The following PSD3 variants were observed in gnomAD, a reference collection of about 807,000 sequenced individuals.
PSD3 encodes the protein PH and SEC7 domain-containing protein 3.
Under a neutral mutation model 105.5 loss-of-function variants are expected in PSD3, and 49 were observed. The ratio of observed to expected loss-of-function variants is 0.46; its 90% CI spans 0.37 to 0.59. The LOEUF is 0.59. Ranked by LOEUF, PSD3 falls within the 20% of genes least tolerant of loss-of-function variation. The pLI is 0.00. For missense variants in PSD3, 1,561 were observed against 1,263.8 expected, an observed-to-expected ratio of 1.24 and a Z score of -3.57; for synonymous variants, 557 against 457.8, an observed-to-expected ratio of 1.22 and a Z score of -2.77.
At chr8:18,892,108 T>G (rs886877255) in intron 2 of PSD3, among the ~76,000 whole-genome samples, 3 of 152,032 alleles carry the variant, frequency 2.0e-5, no homozygotes, top group African/African-American at 7.2e-5. Flanking sequence ...TATTTGCACT[T>G]TTTTTCTAGC....
chr8:18,651,017 T>G (rs1321232631), intron 10 of PSD3, among the ~76,000 whole-genome samples: 1 of 152,160 alleles, frequency 6.6e-6, no homozygotes, highest in African/African-American at 2.4e-5. Context: ...ATATATAAAG[T>G]AACAACAATG....
chr8:18,835,339 T>C (rs1586173422), intron 4 of PSD3, among the ~76,000 whole-genome samples: 1 of 152,244 alleles, frequency 6.6e-6, no homozygotes, highest in East Asian at 1.9e-4. Context: ...CATCACCTTT[T>C]TGACTTTTAC....
At chr8:19,001,460 T>C (rs1826389811) in intron 1 of PSD3, among the ~76,000 whole-genome samples, 1 of 150,914 alleles carries the variant, frequency 6.6e-6, no homozygotes, top group Admixed American at 6.6e-5. Context: ...TTGCAGTCAA[T>C]GCACCTACAC....
rs2277137 is a variant in PSD3 at position 18,572,691 on chromosome 8, T to A, written c.2640-19A>T. On this transcript the variant is annotated intron_variant, in intron 13 of 15. Coordinates refer to ENST00000327040, the MANE Select transcript of PSD3 (RefSeq NM_015310.4). ...TGGGCTCCTATGAGAAATAGATATG[T>A]TTATATCAGGATATTGCCATGTCTA... is the stretch of plus-strand genomic sequence containing the variant. The A allele has an allele frequency of 0.17, 274,514 of 1,610,210 alleles. 25,943 individuals are homozygous for A. Among genetic ancestry groups the A allele is most frequent in the East Asian group, 0.4 (17,929 of 44,794 alleles).
intron 4 of PSD3, chr8:18,865,323 G>T (rs1816847915): frequency 6.7e-5 from 8 of 119,966 alleles, no homozygotes; most frequent in East Asian, 5.1e-4. Flanking sequence ...GGCTATCTGA[G>T]GCCCCTTCAA....
chr8:18,596,844 C>G (rs939584692), intron 12 of PSD3, among the ~76,000 whole-genome samples: 3 of 152,202 alleles, frequency 2.0e-5, no homozygotes, highest in East Asian at 1.9e-4. Context: ...ACCCTCCCAA[C>G]AAAGGAAAGT....
At chr8:18,724,523 G>A (rs1289953194) in intron 9 of PSD3, among the ~76,000 whole-genome samples, 3 of 151,986 alleles carry the variant, frequency 2.0e-5, no homozygotes, top group African/African-American at 7.3e-5. Context: ...TGAGGCAGGA[G>A]GATCACTTGA....
rs111764048 is a variant in PSD3 at position 18,556,954 on chromosome 8, C to T, written c.2785-602G>A. Among the ~76,000 whole-genome samples, 32 of 152,256 alleles carry T rather than the reference C, an allele frequency of 2.1e-4. 1 individual carries two copies. Among genetic ancestry groups the T allele is most frequent in the African/African-American group, 6.5e-4 (27 of 41,568 alleles). ...TCAACTTGATTGGCCCAAAGCAACCCGTCAATTAAAATGTATCTACCTATT... is the reference window on the plus strand; with the variant it reads ...TCAACTTGATTGGCCCAAAGCAACCTGTCAATTAAAATGTATCTACCTATT... On this transcript the variant is annotated intron_variant, in intron 14 of 15. Coordinates refer to ENST00000327040, the MANE Select transcript of PSD3 (RefSeq NM_015310.4).
chr8:18,578,544 A>G (rs991253860), intron 12 of PSD3, among the ~76,000 whole-genome samples: 4 of 152,050 alleles, frequency 2.6e-5, no homozygotes, highest in Non-Finnish European at 4.4e-5. Flanking sequence ...CTCCAGATAT[A>G]TATCACAATG....
At chr8:18,876,460 C>A (rs972115391) in intron 2 of PSD3, among the ~76,000 whole-genome samples, 1 of 152,150 alleles carries the variant, frequency 6.6e-6, no homozygotes, top group Non-Finnish European at 1.5e-5. Context: ...GATCATGGCT[C>A]ACTGCAGCCC....
intron 1 of PSD3, among the ~76,000 whole-genome samples, chr8:18,950,946 G>A (rs1188639679): frequency 6.6e-6 from 1 of 151,992 alleles, no homozygotes; most frequent in Non-Finnish European, 1.5e-5. Context: ...GGTTACCTGG[G>A]GTGCTTGTGG....
rs1192239343 is a variant in PSD3 at position 18,534,388 on chromosome 8, A to G, written c.*1355T>C. The stretch of plus-strand genomic sequence containing the variant: ...CCTTTCTCTTCCTCTACAGAAGAAT[A>G]TTCTGTTTATCACCCTGAACTTCAA... On this transcript the variant is annotated 3_prime_UTR_variant, in exon 16 of 16. Coordinates refer to ENST00000327040, the MANE Select transcript of PSD3 (RefSeq NM_015310.4). The G allele has an allele frequency of 6.6e-6, 1 of 152,628 alleles. No individual in the cohort carries two copies. The highest frequency in any genetic ancestry group is 1.9e-4 in the East Asian group (1 of 5,192). 9.5% of individuals were successfully genotyped at this position (152,628 alleles called of 1,614,324 possible).
At chr8:19,068,272 G>A (rs931236282) in intron 1 of PSD3, among the ~76,000 whole-genome samples, 5 of 151,184 alleles carry the variant, frequency 3.3e-5, no homozygotes, top group Admixed American at 6.6e-5. Flanking sequence ...CTTTCTTCTC[G>A]CTCTACTCTT....
chr8:18,843,202 T>C (rs1814795349), intron 4 of PSD3, among the ~76,000 whole-genome samples: 1 of 151,414 alleles, frequency 6.6e-6, no homozygotes, highest in Non-Finnish European at 1.5e-5. Flanking sequence ...CTACTAAAAA[T>C]ACAAAAAAAT....
intron 9 of PSD3, among the ~76,000 whole-genome samples, chr8:18,761,321 C>G (rs928516579): frequency 6.6e-6 from 1 of 152,158 alleles, no homozygotes; most frequent in African/African-American, 2.4e-5. Context: ...TGCCGCTAAT[C>G]TCACTCGCCT....
Position 18,804,759 on chromosome 8 carries a change from G to C in PSD3, c.1774C>G (p.Leu592Val). The C allele has an allele frequency of 1.2e-6, 2 of 1,614,128 alleles. No homozygotes were observed. Among genetic ancestry groups the C allele is most frequent in the Non-Finnish European group, 1.7e-6 (2 of 1,179,988 alleles). ...CTTTTGAATCTGTCCAGCTGATAAA[G>C]GCGTTTGGCCAACCTTTTGGCTGCT... ...VEAAKRLAKR[L>V]YQLDRFKRSD... is the part of the protein sequence containing the mutation. Residue 592 changes from leucine (L) to valine (V), a missense_variant, in exon 5 of 16, where the codon CTT becomes GTT. Physicochemically the swap from Leu to Val is conservative, Grantham distance 32 (BLOSUM62 1). Coordinates refer to ENST00000327040, the MANE Select transcript of PSD3 (RefSeq NM_015310.4).
At chr8:18,668,710 T>C (rs1799617976) in intron 9 of PSD3, among the ~76,000 whole-genome samples, 1 of 152,202 alleles carries the variant, frequency 6.6e-6, no homozygotes, top group Non-Finnish European at 1.5e-5. Context: ...TACACACCTG[T>C]GTACATATAT....
intron 9 of PSD3, among the ~76,000 whole-genome samples, chr8:18,748,465 C>A (rs1032418903): frequency 2.0e-5 from 3 of 151,804 alleles, no homozygotes; most frequent in South Asian, 2.1e-4. Flanking sequence ...TCGAGACTAT[C>A]CTGGCTAACA....
intron 1 of PSD3, among the ~76,000 whole-genome samples, chr8:19,061,210 T>C (rs1171545050): frequency 2.0e-5 from 3 of 151,906 alleles, no homozygotes; most frequent in South Asian, 2.1e-4. Flanking sequence ...CAAACACTCA[T>C]GCACATGCAC....
Sources: allele counts gnomAD v4.1 joint callset (sites outside exome capture counted in the v4.1 genomes callset), GRCh38; gene constraint gnomAD v4.1.1; transcripts MANE v1.5; gene names NCBI Gene and HGNC (gene_info 2026-07-23, HGNC 2026-07-21).